JDP2: variants seen among roughly 807,000 people sequenced by gnomAD.
JDP2 encodes the protein Jun dimerization protein 2.
A neutral mutation model predicts 17.1 loss-of-function variants in JDP2; 9 were observed. That is an observed-to-expected ratio of 0.53 (90% CI 0.32 to 0.92). The LOEUF is 0.92. Ranked by LOEUF, JDP2 falls within the 40% of genes least tolerant of loss-of-function variation. JDP2 has a pLI of 0.04. For missense variants in JDP2, 179 were observed against 220.0 expected (o/e 0.81, Z 1.18); for synonymous variants, 107 against 95.6 (o/e 1.12, Z -0.69).
At chr14:75,459,608 C>G (rs1169640368) in intron 2 of JDP2, among the ~76,000 whole-genome samples, 3 of 152,252 alleles carry the variant, frequency 2.0e-5, no homozygotes, top group Non-Finnish European at 4.4e-5. Flanking sequence ...GTTTATTTTC[C>G]TGGCCTATAG....
chr14:75,467,439 C>T (rs1006812778), intron 3 of JDP2, among the ~76,000 whole-genome samples: 6 of 152,170 alleles, frequency 3.9e-5, no homozygotes, highest in African/African-American at 1.4e-4. Flanking sequence ...GTGGAAAGGC[C>T]ACAAGAGCCA....
chr14:75,469,377 CT>C lies in JDP2; in HGVS notation c.395del (p.Leu132ArgfsTer84), dbSNP rs1886713717. ...GGAGCGGCAGCAGCTCATCCTGATGCTGAACCGACACCGCCCCACCTGCATC... is the reference window on the plus strand; with the variant it reads ...GGAGCGGCAGCAGCTCATCCTGATGCGAACCGACACCGCCCCACCTGCATC... ...KQERQQLILM[L>X]NRHRPTCIVR... On this transcript the variant is annotated frameshift_variant, in exon 4 of 4. Transcript: ENST00000651602. LOFTEE classifies it high-confidence loss of function. The C allele has an allele frequency of 6.2e-7, 1 of 1,614,052 alleles. No individual in the cohort carries two copies. The highest frequency in any genetic ancestry group is 8.5e-7 in the Non-Finnish European group (1 of 1,180,036).
At chr14:75,462,319 T>C (rs753164415) in intron 3 of JDP2, among the ~76,000 whole-genome samples, 12 of 152,222 alleles carry the variant, frequency 7.9e-5, no homozygotes, top group Non-Finnish European at 1.8e-4. Context: ...GGTTCTTTGC[T>C]GAATAATAAT....
rs1412141710 is a variant in JDP2 at position 75,471,896 on chromosome 14, A to C, written c.*2421A>C. 2 of 152,318 alleles carry C rather than the reference A, an allele frequency of 1.3e-5. No individual in the cohort carries two copies. Among genetic ancestry groups the C allele is most frequent in the African/African-American group, 4.8e-5 (2 of 41,440 alleles). 9.4% of individuals were successfully genotyped at this position (152,318 alleles called of 1,614,324 possible). On this transcript the variant is annotated 3_prime_UTR_variant, in exon 4 of 4. Transcript: ENST00000651602. ...ATGAGAAAAATGAAGTGGACTTACC[A>C]GGGTCCCTCCAGTGACCTAGTGGAT...
chr14:75,432,310 T>G, intron 1 of JDP2: 2 of 1,551,408 alleles, frequency 1.3e-6, no homozygotes. Flanking sequence ...GGCTTGGTGG[T>G]TGATTCTCCA....
intron 1 of JDP2, among the ~76,000 whole-genome samples, chr14:75,436,015 A>C (rs775703876): frequency 1.3e-5 from 2 of 152,180 alleles, no homozygotes; most frequent in Non-Finnish European, 2.9e-5. Flanking sequence ...GCTTTAGACA[A>C]AGTGATGGCC....
chr14:75,468,783 C>T (rs1886679002), intron 3 of JDP2, among the ~76,000 whole-genome samples: 1 of 152,248 alleles, frequency 6.6e-6, no homozygotes, highest in Non-Finnish European at 1.5e-5. Context: ...GACTACACTA[C>T]ACTCACTGAT....
intron 3 of JDP2, among the ~76,000 whole-genome samples, chr14:75,465,958 G>A (rs963375541): frequency 9.9e-5 from 15 of 152,128 alleles, no homozygotes; most frequent in Admixed American, 5.2e-4. Flanking sequence ...AAAGATCTTC[G>A]CTCAGTTCCT....
rs1886735582 is a variant in JDP2, at chr14:75,469,715, G to A, written c.*240G>A. 6 of 494,622 alleles carry A rather than the reference G, an allele frequency of 1.2e-5. No individual in the cohort carries two copies. The South Asian group carries it at 1.5e-4, about 12-fold the overall frequency. 30.6% of individuals were successfully genotyped at this position (494,622 alleles called of 1,614,324 possible). A position where few individuals can be genotyped will look rare whatever the true frequency, so the allele number is the denominator to read the frequency against. Reference sequence around the variant, plus strand: ...TGAGACCAAAGTTGACCCTCGGGTAGGGTTGTCCTGCCTGGGGCCCCACTT... The same window carrying A: ...TGAGACCAAAGTTGACCCTCGGGTAAGGTTGTCCTGCCTGGGGCCCCACTT... On this transcript the variant is annotated 3_prime_UTR_variant, in exon 4 of 4. Transcript: ENST00000651602.
Position 75,438,031 on chromosome 14 carries a change from C to G in JDP2, c.111C>G (p.Tyr37Ter). The G allele has an allele frequency of 6.2e-7, 1 of 1,613,974 alleles. No homozygotes were observed. The highest frequency in any genetic ancestry group is 8.5e-7 in the Non-Finnish European group (1 of 1,179,942). The change falls in exon 2 of 4, where the codon TAC becomes TAG. Residue 37 changes from tyrosine to a stop codon, truncating the protein, a stop_gained. Coordinates refer to ENST00000651602, the MANE Select transcript of JDP2 (RefSeq NM_001135048.2). LOFTEE classifies it high-confidence loss of function. ...SSALTVEELK[Y>*]ADIRNLGAMI... ...CCCTGACTGTGGAGGAGCTGAAATA[C>G]GCTGACATCCGCAACCTCGGGGCCA...
chr14:75,435,894 G>A lies in JDP2; in HGVS notation c.-23-2004G>A, dbSNP rs529730987. Among the ~76,000 whole-genome samples, 9 of 152,254 alleles carry A rather than the reference G, an allele frequency of 5.9e-5. No individual in the cohort carries two copies. In the South Asian group the frequency reaches 1.7e-3, roughly 28 times the overall value. On this transcript the variant is annotated intron_variant, in intron 1 of 3. Coordinates refer to ENST00000651602, the MANE Select transcript of JDP2 (RefSeq NM_001135048.2). ...CTGAGGACACCAAATAAAAACTCTG[G>A]GGCAAGCCAGGGAGCTATGGGCAGA...
chr14:75,454,079 C>CAA (rs1885992147), intron 2 of JDP2, among the ~76,000 whole-genome samples: 14 of 152,118 alleles, frequency 9.2e-5, no homozygotes, highest in Admixed American at 9.2e-4. Context: ...ATCTGGGCTG[C>CAA]TGTTTGTCAC....
intron 2 of JDP2, among the ~76,000 whole-genome samples, chr14:75,448,974 AC>A (rs1594960074): frequency 6.6e-6 from 1 of 151,696 alleles, no homozygotes; most frequent in African/African-American, 2.4e-5. Flanking sequence ...TCTTGGTAAA[AC>A]CCCTCTTCCA....
intron 1 of JDP2, among the ~76,000 whole-genome samples, chr14:75,432,742 A>G (rs1307139923): frequency 6.6e-6 from 1 of 152,172 alleles, no homozygotes; most frequent in Admixed American, 6.5e-5. Flanking sequence ...CTATGGACAG[A>G]AAGTTCATGA....
Position 75,472,013 on chromosome 14 carries a change from T to G in JDP2, c.*2538T>G, listed in dbSNP as rs1886824691. ...CTGGCATCTCCAAAATAGAGCCTCC[T>G]TAGCCTGTGCAGGTGGGCTGTCTTC... On this transcript the variant is annotated 3_prime_UTR_variant, in exon 4 of 4. Transcript: ENST00000651602. The G allele has an allele frequency of 6.6e-6, 1 of 152,262 alleles. No homozygotes were observed. The highest frequency in any genetic ancestry group is 1.5e-5 in the Non-Finnish European group (1 of 68,122). 9.4% of individuals were successfully genotyped at this position (152,262 alleles called of 1,614,324 possible).
Position 75,469,408 on chromosome 14 carries a change from G to T in JDP2, c.425G>T (p.Arg142Leu). Residue 142 changes from arginine (R) to leucine (L), a missense_variant, in exon 4 of 4, where the codon CGG (arginine) becomes CTG (leucine). Coordinates refer to ENST00000651602, the MANE Select transcript of JDP2 (RefSeq NM_001135048.2). ...LNRHRPTCIV[R>L]TDSVKTPESE... ...CGACACCGCCCCACCTGCATCGTCC[G>T]GACCGACAGTGTCAAGACCCCCGAG... 1 of 1,614,114 alleles carries T rather than the reference G, an allele frequency of 6.2e-7. No homozygotes were observed. The highest frequency in any genetic ancestry group is 8.5e-7 in the Non-Finnish European group (1 of 1,180,006).
At chr14:75,465,035 G>A (rs2139997918) in intron 3 of JDP2, among the ~76,000 whole-genome samples, 1 of 152,378 alleles carries the variant, frequency 6.6e-6, no homozygotes, top group East Asian at 1.9e-4. Context: ...AGGAAAGGCA[G>A]TCCTATCCAT....
rs948148148 is a variant in JDP2 at position 75,430,614 on chromosome 14, T to C, written c.-24+2362T>C. Among the ~76,000 whole-genome samples the C allele has an allele frequency of 2.0e-5, 3 of 152,048 alleles. No homozygotes were observed. Among genetic ancestry groups the C allele is most frequent in the Admixed American group, 6.5e-5 (1 of 15,276 alleles). On this transcript the variant is annotated intron_variant, in intron 1 of 3. Transcript: ENST00000651602. This position sits in a 1 kb window ranked among gnomAD's most constrained non-coding sequence, Gnocchi z 4.5. The stretch of plus-strand genomic sequence containing the variant: ...GGGTCTCCTATGCCTTTGAGGAGGG[T>C]GAGAACACTGTTTTGGCTGCGTCCC...
Position 75,470,199 on chromosome 14 carries a change from T to TA in JDP2, c.*725dup, listed in dbSNP as rs1886763010. ...TTTTTTTTTTTTTTTTAATATTTTT[T>TA]ACAAAAAAAAAGATTTTATACAAGC... On this transcript the variant is annotated 3_prime_UTR_variant, in exon 4 of 4. Coordinates refer to ENST00000651602, the MANE Select transcript of JDP2 (RefSeq NM_001135048.2). 1 of 151,330 alleles carries TA rather than the reference T, an allele frequency of 6.6e-6. No homozygotes were observed. The highest frequency in any genetic ancestry group is 1.5e-5 in the Non-Finnish European group (1 of 67,754). 9.4% of individuals were successfully genotyped at this position (151,330 alleles called of 1,614,324 possible). A position where few individuals can be genotyped will look rare whatever the true frequency, so the allele number is the denominator to read the frequency against.
Sources: gnomAD v4.1 joint callset for allele counts (sites outside exome capture counted in the v4.1 genomes callset) on GRCh38, gnomAD v4.1.1 for gene constraint, Gnocchi (gnomAD v3.1) non-coding constraint, MANE v1.5 for transcripts, NCBI Gene and HGNC (gene_info 2026-07-23, HGNC 2026-07-21) for gene names.